DLG2: variants seen among roughly 807,000 people sequenced by gnomAD.
DLG2 encodes disks large homolog 2.
In DLG2, 45 loss-of-function variants were observed where a neutral mutation model predicts 132.5. The ratio of observed to expected loss-of-function variants is 0.34; its 90% CI spans 0.27 to 0.44. The LOEUF (loss-of-function observed/expected upper bound fraction) is 0.44. Ranked by LOEUF, DLG2 falls within the 20% of genes least tolerant of loss-of-function variation. The pLI, the probability that DLG2 is intolerant of heterozygous loss-of-function variation, is 1.00. For synonymous variants in DLG2, 424 were observed against 419.6 expected, an observed-to-expected ratio of 1.01 and a Z score of -0.13; for missense variants, 1,045 against 1,196.9, an observed-to-expected ratio of 0.87 and a Z score of 1.87.
At chr11:85,459,966 A>G (rs1227046655) in intron 3 of DLG2, among the ~76,000 whole-genome samples, 1 of 152,148 alleles carries the variant, frequency 6.6e-6, no homozygotes, top group Non-Finnish European at 1.5e-5. Flanking sequence ...CTCCCTAAAC[A>G]TTAAGTACTC....
intron 6 of DLG2, among the ~76,000 whole-genome samples, chr11:84,888,468 T>G (rs1368676748): frequency 6.6e-6 from 1 of 152,106 alleles, no homozygotes; most frequent in Non-Finnish European, 1.5e-5. Flanking sequence ...CTTAGGCTTT[T>G]GGAGTGAAAT....
chr11:84,918,207 C>A (rs2092583531), intron 6 of DLG2, among the ~76,000 whole-genome samples: 1 of 152,036 alleles, frequency 6.6e-6, no homozygotes, highest in Non-Finnish European at 1.5e-5. Context: ...TTCCTGTCTT[C>A]AAAATTCTTA....
At chr11:85,182,679 A>T (rs936705553) in intron 4 of DLG2, among the ~76,000 whole-genome samples, 3 of 151,586 alleles carry the variant, frequency 2.0e-5, no homozygotes, top group African/African-American at 4.8e-5. Flanking sequence ...TAAAGTGGAA[A>T]TCACTCCCCA....
rs34042851 is a variant in DLG2 at position 85,036,289 on chromosome 11, C to G, written c.357+75372G>C. ...TTCAGATCTCTCCCTCTTTATTTTT[C>G]TCTTTAGCAGTCACACTACATATTT... is the stretch of plus-strand genomic sequence containing the variant. On this transcript the variant is annotated intron_variant, in intron 6 of 27. Transcript: ENST00000376104. 5.9e-5 allele frequency among the ~76,000 whole-genome samples: 9 copies of G among 152,204 alleles called. No homozygotes were observed. In the East Asian group the frequency reaches 1.7e-3, roughly 29 times the overall value.
At position 83,819,791 on chromosome 11, in the gene DLG2, T is replaced by C. The variant is rs564936643; in HGVS notation, c.1722+13823A>G. Among the ~76,000 whole-genome samples, 52 of 152,252 alleles carry C rather than the reference T, an allele frequency of 3.4e-4. 1 individual carries two copies. Among genetic ancestry groups the C allele is most frequent in the Non-Finnish European group, 8.8e-5 (6 of 68,004 alleles). Reference sequence around the variant, plus strand: ...TATTGACCTTTTCCTGACCCCTCTATTTCTCCCCTTCAAGCAGGAGAATTA... The same window carrying C: ...TATTGACCTTTTCCTGACCCCTCTACTTCTCCCCTTCAAGCAGGAGAATTA... On this transcript the variant is annotated intron_variant, in intron 17 of 27. Transcript: ENST00000376104.
intron 6 of DLG2, among the ~76,000 whole-genome samples, chr11:84,875,649 A>C (rs762556768): frequency 2.0e-5 from 3 of 152,188 alleles, no homozygotes; most frequent in Non-Finnish European, 4.4e-5. Context: ...AATCAAGAAG[A>C]TAGCAATATT....
At chr11:84,937,400 A>AT (rs1431052358) in intron 6 of DLG2, among the ~76,000 whole-genome samples, 1 of 151,530 alleles carries the variant, frequency 6.6e-6, no homozygotes, top group African/African-American at 2.4e-5. Context: ...AAAAAAAAAA[A>AT]ATCAAATTCA....
chr11:83,539,834 A>G (rs1046869188), intron 20 of DLG2, among the ~76,000 whole-genome samples: 5 of 152,192 alleles, frequency 3.3e-5, no homozygotes, highest in African/African-American at 1.2e-4. Flanking sequence ...GATTACCAGC[A>G]GGTGGAAAAT....
At chr11:84,822,375 A>T (rs2077805403) in intron 6 of DLG2, among the ~76,000 whole-genome samples, 1 of 151,850 alleles carries the variant, frequency 6.6e-6, no homozygotes, top group African/African-American at 2.4e-5. Context: ...TTATTTTTTA[A>T]AACAGATTAA....
Position 85,561,344 on chromosome 11 carries a change from A to AAAC in DLG2, c.40+37312_40+37313insGTT, listed in dbSNP as rs1598529636. Among the ~76,000 whole-genome samples, 4 of 139,712 alleles carry AAAC rather than the reference A, an allele frequency of 2.9e-5. No homozygotes were observed. The East Asian group carries it at 8.0e-4, about 28-fold the overall frequency. 91.7% of individuals were successfully genotyped at this position (139,712 alleles called of 152,430 possible). A position where few individuals can be genotyped will look rare whatever the true frequency, so the allele number is the denominator to read the frequency against. Reference sequence around the variant, plus strand: ...AAGACCCTATCTCAAAAAAAAAAAAAAAAAAAAAAAAAAAAAAAAAAAAAT... The same window carrying AAAC: ...AAGACCCTATCTCAAAAAAAAAAAAAAACAAAAAAAAAAAAAAAAAAAAAAAAT... On this transcript the variant is annotated intron_variant, in intron 3 of 27. Transcript: ENST00000376104.
At chr11:84,453,166 C>T (rs1044197640) in intron 7 of DLG2, among the ~76,000 whole-genome samples, 2 of 151,578 alleles carry the variant, frequency 1.3e-5, no homozygotes, top group African/African-American at 4.8e-5. Flanking sequence ...AAGTAAGCCA[C>T]TGGATATATA....
chr11:83,460,368 A>G (rs1485363312), intron 27 of DLG2, among the ~76,000 whole-genome samples: 4 of 152,224 alleles, frequency 2.6e-5, no homozygotes. Context: ...TATTGTAGAC[A>G]CCGAGGAAAT....
intron 3 of DLG2, among the ~76,000 whole-genome samples, chr11:85,299,031 T>C (rs2079422097): frequency 1.3e-5 from 2 of 152,202 alleles, no homozygotes; most frequent in African/African-American, 2.4e-5. Context: ...TCTTTGTGGT[T>C]GTCTAGATGC....
At chr11:84,157,519 C>G (rs1305451836) in intron 9 of DLG2, among the ~76,000 whole-genome samples, 38 of 152,144 alleles carry the variant, frequency 2.5e-4, no homozygotes, top group Non-Finnish European at 2.9e-5. Context: ...CAGCTTCAGA[C>G]TACTGGGTTC....
intron 4 of DLG2, among the ~76,000 whole-genome samples, chr11:85,180,372 A>G (rs556216053): frequency 6.6e-6 from 1 of 151,928 alleles, no homozygotes; most frequent in South Asian, 2.1e-4. Flanking sequence ...AGCCTTGTAC[A>G]GTGCCTGGCA....
In DLG2 at chr11:85,565,265, G is replaced by C. The variant is rs868503106; in HGVS notation, c.40+33392C>G. Among the ~76,000 whole-genome samples the C allele has an allele frequency of 2.6e-5, 4 of 152,040 alleles. No homozygotes were observed. The South Asian group carries it at 8.3e-4, about 32-fold the overall frequency. On this transcript the variant is annotated intron_variant, in intron 3 of 27. Transcript: ENST00000376104. ...TCTCTAGCCAGTGATGAGAAGTGAT[G>C]AAAGTGGTTATCCTTGTGTTAGGGG...
intron 6 of DLG2, among the ~76,000 whole-genome samples, chr11:85,040,258 T>C (rs2061748489): frequency 6.6e-6 from 1 of 151,964 alleles, no homozygotes; most frequent in Non-Finnish European, 1.5e-5. Flanking sequence ...TCTTGTAGCA[T>C]GCTCAATCAA....
chr11:85,308,107 T>A (rs1474543092), intron 3 of DLG2, among the ~76,000 whole-genome samples: 1 of 149,958 alleles, frequency 6.7e-6, no homozygotes, highest in East Asian at 1.9e-4. Flanking sequence ...TGAGCTGAGA[T>A]CATGCCACTG....
At position 83,744,399 on chromosome 11, in the gene DLG2, G is replaced by C. The variant is rs914611251; in HGVS notation, c.1825+42291C>G. ...ACCTGTGGTCCTACACATAAGTACAGGGCAGAGATACAAACCAAGTACTGC... is the reference window on the plus strand; with the variant it reads ...ACCTGTGGTCCTACACATAAGTACACGGCAGAGATACAAACCAAGTACTGC... On this transcript the variant is annotated intron_variant, in intron 18 of 27. Coordinates refer to ENST00000376104, the MANE Select transcript of DLG2 (RefSeq NM_001142699.3). 2.6e-5 allele frequency among the ~76,000 whole-genome samples: 4 copies of C among 152,128 alleles called. No homozygotes were observed. The East Asian group carries it at 7.7e-4, about 29-fold the overall frequency.
Sources: allele counts gnomAD v4.1 joint callset (sites outside exome capture counted in the v4.1 genomes callset), GRCh38; gene constraint gnomAD v4.1.1; transcripts MANE v1.5; gene names NCBI Gene and HGNC (gene_info 2026-07-23, HGNC 2026-07-21).